Variants in BIRC6 observed in about 807,000 individuals in gnomAD.
BIRC6 encodes baculoviral IAP repeat containing 6, also known as dual E2 ubiquitin-conjugating enzyme/E3 ubiquitin-protein ligase BIRC6.
A neutral mutation model predicts 503.3 loss-of-function variants in BIRC6; 98 were observed. The observed-to-expected ratio is 0.19, with a 90% confidence interval of 0.17 to 0.23. The LOEUF (loss-of-function observed/expected upper bound fraction) is 0.23, where lower values mean the gene tolerates loss of function less well. Among genes scored for constraint, BIRC6 ranks in the 10% least tolerant of loss-of-function variants. The pLI is 1.00. For missense variants in BIRC6, 5,360 were observed against 5,806.0 expected (o/e 0.92, Z 2.50); for synonymous variants, 2,240 against 2,078.7 (o/e 1.08, Z -2.11).
rs895103259 is a variant in BIRC6 at position 32,411,497 on chromosome 2, A to G, written c.1478-3272A>G. Among the ~76,000 whole-genome samples, 34 of 134,192 alleles carry G rather than the reference A, an allele frequency of 2.5e-4. 1 individual carries two copies. Among genetic ancestry groups the G allele is most frequent in the Admixed American group, 2.2e-3 (28 of 12,550 alleles). 88.0% of individuals were successfully genotyped at this position (134,192 alleles called of 152,430 possible). ...TCGCCTAGAGTGGTTTTTTCTTTTG[A>G]GACGGGATCTCACTCTGTTGTCCAG... is the stretch of plus-strand genomic sequence containing the variant. On this transcript the variant is annotated intron_variant, in intron 9 of 73. Transcript: ENST00000421745.
chr2:32,397,567 G>A (rs1041581350), intron 6 of BIRC6, among the ~76,000 whole-genome samples: 1 of 140,148 alleles, frequency 7.1e-6, no homozygotes, highest in African/African-American at 2.8e-5. Context: ...GTCTTTCCCC[G>A]TAAAGGCTGT....
intron 73 of BIRC6, 53 bp downstream of exon 73, chr2:32,611,635 T>C: frequency 6.9e-7 from 1 of 1,444,432 alleles, no homozygotes; most frequent in Non-Finnish European, 9.2e-7. Context: ...TGTGTAATTA[T>C]TGACAGAACC....
chr2:32,457,705 C>A (rs533848407), intron 23 of BIRC6, among the ~76,000 whole-genome samples: 1 of 151,944 alleles, frequency 6.6e-6, no homozygotes, highest in East Asian at 1.9e-4. Context: ...TGTCTTTGAG[C>A]TTTTATCTGG....
At chr2:32,474,376 T>C (rs1408565049) in intron 33 of BIRC6, among the ~76,000 whole-genome samples, 1 of 152,222 alleles carries the variant, frequency 6.6e-6, no homozygotes, top group East Asian at 1.9e-4. Context: ...ATGTTTATAC[T>C]CAGTGCATTT....
At chr2:32,593,831 TC>T in intron 66 of BIRC6, 83 bp from the exon 67 acceptor site, 1 of 1,187,782 alleles carries the variant, frequency 8.4e-7, no homozygotes. Context: ...ATGCACACAC[TC>T]ATTTGTATAT....
intron 9 of BIRC6, among the ~76,000 whole-genome samples, chr2:32,406,770 G>T (rs556075597): frequency 6.6e-6 from 1 of 152,132 alleles, no homozygotes; most frequent in Admixed American, 6.5e-5. Context: ...ACCTATTTGA[G>T]CCAAAGGAAT....
chr2:32,596,386 A>G (rs2061674290), intron 68 of BIRC6, among the ~76,000 whole-genome samples: 1 of 151,160 alleles, frequency 6.6e-6, no homozygotes, highest in East Asian at 2.0e-4. Flanking sequence ...AAGCTGAGGC[A>G]GGAGAATCAT....
chr2:32,395,752 C>T (rs1449151224), intron 6 of BIRC6, among the ~76,000 whole-genome samples, 159 bp downstream of exon 6: 1 of 152,216 alleles, frequency 6.6e-6, no homozygotes, highest in African/African-American at 2.4e-5. Context: ...TACTCTGGCA[C>T]ACCACTTGGC....
intron 66 of BIRC6, among the ~76,000 whole-genome samples, chr2:32,584,962 G>A (rs1003111304): frequency 5.3e-5 from 8 of 151,990 alleles, no homozygotes; most frequent in South Asian, 2.1e-4. Flanking sequence ...CTTTCTGGCA[G>A]AAAAAAATAT....
chr2:32,367,866 G>A (rs2035196377), intron 1 of BIRC6, among the ~76,000 whole-genome samples: 1 of 152,118 alleles, frequency 6.6e-6, no homozygotes, highest in African/African-American at 2.4e-5. Flanking sequence ...GTTTGAGTAT[G>A]TTAAATCAGG....
Position 32,519,738 on chromosome 2 carries a change from G to A in BIRC6, c.11623+792G>A, listed in dbSNP as rs188962535. Among the ~76,000 whole-genome samples, 4 of 152,150 alleles carry A rather than the reference G, an allele frequency of 2.6e-5. No homozygotes were observed. In the East Asian group the frequency reaches 7.8e-4, roughly 30 times the overall value. ...TCACCATGTTGGCCAGGCTGGTCTC[G>A]AACTCCTGACCTCAAGTGATCCGCC... On this transcript the variant is annotated intron_variant, in intron 57 of 73. Coordinates refer to ENST00000421745, the MANE Select transcript of BIRC6 (RefSeq NM_016252.4).
At chr2:32,489,733 G>A (rs1467204159) in intron 42 of BIRC6, among the ~76,000 whole-genome samples, 2 of 152,146 alleles carry the variant, frequency 1.3e-5, no homozygotes, top group Non-Finnish European at 2.9e-5. Flanking sequence ...TGTAGAGTGT[G>A]AGGATTTTTA....
Position 32,467,547 on chromosome 2 carries a change from G to C in BIRC6, c.5379G>C (p.Leu1793Phe), listed in dbSNP as rs1175187053. The C allele has an allele frequency of 6.2e-7, 1 of 1,613,728 alleles. No homozygotes were observed. Residue 1793 changes from leucine (L) to phenylalanine (F), a missense_variant, in exon 27 of 74, where the codon TTG (leucine) becomes TTC (phenylalanine). Coordinates refer to ENST00000421745, the MANE Select transcript of BIRC6 (RefSeq NM_016252.4). ...MHSGARRFVT[L>F]DFGRPILLTD... ...TAGGAGCAAGAAGATTTGTGACCTT[G>C]GATTTTGGGAGGCCTATATTGTTGA...
chr2:32,594,106 T>A, intron 67 of BIRC6, 46 bp downstream of exon 67: 1 of 1,564,234 alleles, frequency 6.4e-7, no homozygotes, highest in Non-Finnish European at 8.7e-7. Flanking sequence ...GATGTAAAGA[T>A]GTTTCATTTA....
chr2:32,445,387 T>A, intron 20 of BIRC6, 134 bp from the exon 21 acceptor site: 1 of 909,976 alleles, frequency 1.1e-6, no homozygotes, highest in Non-Finnish European at 1.6e-6. Context: ...AAATTGCCTA[T>A]AAGATTGTCT....
At chr2:32,545,890 T>TA (rs766678953) in intron 63 of BIRC6, 30 bp downstream of exon 63, 12 of 1,575,630 alleles carry the variant, frequency 7.6e-6, no homozygotes, top group East Asian at 2.3e-5. Flanking sequence ...TTTCAGTTAT[T>TA]AAAAAAACTA....
chr2:32,603,495 A>G (rs2062203148), intron 71 of BIRC6, among the ~76,000 whole-genome samples: 1 of 152,182 alleles, frequency 6.6e-6, no homozygotes, highest in Non-Finnish European at 1.5e-5. Flanking sequence ...TGGGTGGATC[A>G]TTTGAGGTCA....
At chr2:32,573,099 G>A (rs574358909) in intron 65 of BIRC6, among the ~76,000 whole-genome samples, 216 of 152,302 alleles carry the variant, frequency 1.4e-3, no homozygotes, top group Non-Finnish European at 2.6e-3. Flanking sequence ...TGTAACTCAT[G>A]TCCTTCGCCT....
chr2:32,593,994 C>G lies in BIRC6; in HGVS notation c.13435C>G (p.Pro4479Ala). 1 of 1,613,380 alleles carries G rather than the reference C, an allele frequency of 6.2e-7. No homozygotes were observed. Among genetic ancestry groups the G allele is most frequent in the Non-Finnish European group, 8.5e-7 (1 of 1,179,492 alleles). ...QEPEGLTLLV[P>A]DIQKTAEIVY... ...ACCAGAAGGACTTACTCTTTTGGTACCAGACATCCAAAAGACTGCTGAGAT... is the reference window on the plus strand; with the variant it reads ...ACCAGAAGGACTTACTCTTTTGGTAGCAGACATCCAAAAGACTGCTGAGAT... Residue 4479 changes from proline (P) to alanine (A), a missense_variant, in exon 67 of 74, where the codon CCA becomes GCA. Pro to Ala is a conservative substitution (Grantham distance 27). Coordinates refer to ENST00000421745, the MANE Select transcript of BIRC6 (RefSeq NM_016252.4).
Sources: allele counts gnomAD v4.1 joint callset (sites outside exome capture counted in the v4.1 genomes callset), GRCh38; gene constraint gnomAD v4.1.1; transcripts MANE v1.5; gene names NCBI Gene and HGNC (gene_info 2026-07-23, HGNC 2026-07-21).